The following CREBBP variants were observed in gnomAD, a reference collection of about 807,000 sequenced individuals.
The protein encoded by CREBBP is CREB binding lysine acetyltransferase, also known as CREB-binding protein.
CREBBP carries 19 observed loss-of-function variants against 265.0 expected under a neutral mutation model. The ratio of observed to expected loss-of-function variants is 0.07; its 90% CI spans 0.05 to 0.11. The LOEUF is 0.11. Among genes scored for constraint, CREBBP ranks in the 10% least tolerant of loss-of-function variants. CREBBP has a pLI of 1.00. For missense variants in CREBBP, 2,525 were observed against 3,219.0 expected (o/e 0.78, Z 5.22); for synonymous variants, 1,457 against 1,223.7 (o/e 1.19, Z -3.98).
At chr16:3,873,488 A>AG (rs1291964788) in intron 1 of CREBBP, among the ~76,000 whole-genome samples, 1 of 152,174 alleles carries the variant, frequency 6.6e-6, no homozygotes, top group African/African-American at 2.4e-5. Flanking sequence ...TGTCCTTTCC[A>AG]GAACTGCTGA....
At chr16:3,867,626 AG>A (rs1444519221) in intron 1 of CREBBP, among the ~76,000 whole-genome samples, 1 of 152,144 alleles carries the variant, frequency 6.6e-6, no homozygotes, top group African/African-American at 2.4e-5. Context: ...ATTAATTAAA[AG>A]AAAGCCTGGG....
In CREBBP at chr16:3,849,413, GT is replaced by G. The variant is rs1197707755; in HGVS notation, c.798+883del. Among the ~76,000 whole-genome samples the G allele has an allele frequency of 1.4e-3, 8 of 5,844 alleles. No individual in the cohort carries two copies. The Non-Finnish European group carries it at 0.016, about 11-fold the overall frequency. The allele number at this position is 5,844 out of a possible 152,430, so 3.8% of individuals were successfully genotyped here. On this transcript the variant is annotated intron_variant, in intron 2 of 30. Coordinates refer to ENST00000262367, the MANE Select transcript of CREBBP (RefSeq NM_004380.3). ...TGTGTGTGTGTGTGTGTGTGTGTGT[GT>G]GTGTGTGTGTGTGTGTGTGTGTGTG...
At chr16:3,751,991 G>C (rs967471142) in intron 19 of CREBBP, among the ~76,000 whole-genome samples, 185 bp from the exon 20 acceptor site, 6 of 152,138 alleles carry the variant, frequency 3.9e-5, no homozygotes, top group Non-Finnish European at 8.8e-5. Flanking sequence ...CAGGATTAGA[G>C]AACAGGGAAG....
Position 3,803,269 on chromosome 16 carries a change from GGGGGGGGGGGGT to G in CREBBP, c.975+7322_975+7333del. Among the ~76,000 whole-genome samples the G allele has an allele frequency of 8.4e-5, 3 of 35,924 alleles. 1 individual carries two copies. The highest frequency in any genetic ancestry group is 2.3e-4 in the African/African-American group (3 of 12,848). 23.6% of individuals were successfully genotyped at this position (35,924 alleles called of 152,430 possible). A position where few individuals can be genotyped will look rare whatever the true frequency, so the allele number is the denominator to read the frequency against. On this transcript the variant is annotated intron_variant, in intron 3 of 30. Transcript: ENST00000262367. ...TTTGGGAGGCTGACGGCGGGGAGGG[GGGGGGGGGGGGT>G]GGATCACGAGGTCAGGAGTTCAAGA...
chr16:3,842,017 C>G (rs2054574974), intron 2 of CREBBP, among the ~76,000 whole-genome samples: 1 of 152,142 alleles, frequency 6.6e-6, no homozygotes, highest in Non-Finnish European at 1.5e-5. Context: ...TAATTTAAAA[C>G]TTTTACTCCA....
At chr16:3,794,359 A>T (rs796092830) in intron 3 of CREBBP, among the ~76,000 whole-genome samples, 2 of 148,588 alleles carry the variant, frequency 1.3e-5, no homozygotes, top group African/African-American at 5.1e-5. Context: ...AAAAAAAAAA[A>T]AAAAAAGATT....
At chr16:3,878,697 T>C (rs1301192604) in intron 1 of CREBBP, among the ~76,000 whole-genome samples, 1 of 152,204 alleles carries the variant, frequency 6.6e-6, no homozygotes, top group Non-Finnish European at 1.5e-5. Context: ...TTTGGACTCA[T>C]TCATTAGAAA....
In CREBBP at chr16:3,879,956, C is replaced by A; in HGVS notation, c.-40G>T. 1.3e-6 allele frequency: 2 copies of A among 1,585,758 alleles called. No individual in the cohort carries two copies. The highest frequency in any genetic ancestry group is 1.7e-6 in the Non-Finnish European group (2 of 1,164,874). Reference sequence around the variant, plus strand: ...GAAAACAGCCCCGGGCACGGGCGGCCGGGCCGGCGAGGGCCCGGACGGGGG... The same window carrying A: ...GAAAACAGCCCCGGGCACGGGCGGCAGGGCCGGCGAGGGCCCGGACGGGGG... On this transcript the variant is annotated 5_prime_UTR_variant, in exon 1 of 31. Transcript: ENST00000262367.
At chr16:3,878,689 T>G (rs918871378) in intron 1 of CREBBP, among the ~76,000 whole-genome samples, 2 of 152,218 alleles carry the variant, frequency 1.3e-5, no homozygotes, top group Non-Finnish European at 2.9e-5. Context: ...TAATTCAATT[T>G]GGACTCATTC....
At chr16:3,747,838 C>G (rs1211837846) in intron 21 of CREBBP, among the ~76,000 whole-genome samples, 1 of 152,102 alleles carries the variant, frequency 6.6e-6, no homozygotes, top group East Asian at 1.9e-4. Context: ...ACCTGTAATC[C>G]CAGCACCTTG....
At chr16:3,877,736 C>T (rs1002273770) in intron 1 of CREBBP, among the ~76,000 whole-genome samples, 5 of 152,222 alleles carry the variant, frequency 3.3e-5, no homozygotes, top group African/African-American at 1.2e-4. Flanking sequence ...ATAATGAGCC[C>T]TTCCTTGGTC....
At chr16:3,785,394 G>A (rs756111111) in intron 5 of CREBBP, among the ~76,000 whole-genome samples, 3 of 152,210 alleles carry the variant, frequency 2.0e-5, no homozygotes, top group Non-Finnish European at 4.4e-5. Context: ...AGGGACAACA[G>A]ATTATCTAAT....
intron 2 of CREBBP, among the ~76,000 whole-genome samples, chr16:3,821,405 G>A (rs575165661): frequency 6.6e-6 from 1 of 152,256 alleles, no homozygotes; most frequent in Non-Finnish European, 1.5e-5. Flanking sequence ...CCAGGAGACT[G>A]GGGAGTTCGT....
chr16:3,879,459 A>AC (rs2055475680), intron 1 of CREBBP, among the ~76,000 whole-genome samples: 1 of 152,124 alleles, frequency 6.6e-6, no homozygotes, highest in Admixed American at 6.5e-5. Flanking sequence ...CATCAAAGGT[A>AC]CCCTCCGCTG....
chr16:3,829,160 T>C (rs2054295259), intron 2 of CREBBP, among the ~76,000 whole-genome samples: 1 of 152,184 alleles, frequency 6.6e-6, no homozygotes, highest in African/African-American at 2.4e-5. Flanking sequence ...TGTATAAATA[T>C]AACTCTTTTT....
chr16:3,849,446 T>TGTGTGTGTG lies in CREBBP; in HGVS notation c.798+842_798+850dup, dbSNP rs2054767992. On this transcript the variant is annotated intron_variant, in intron 2 of 30. Coordinates refer to ENST00000262367, the MANE Select transcript of CREBBP (RefSeq NM_004380.3). The stretch of plus-strand genomic sequence containing the variant: ...GTGTGTGTGTGTGTGTGTGTGTGTG[T>TGTGTGTGTG]GTGTGTGTGTGTGTGTGTGTGTGTG... Among the ~76,000 whole-genome samples, 40 of 33,684 alleles carry TGTGTGTGTG rather than the reference T, an allele frequency of 1.2e-3. 3 individuals carry two copies. The highest frequency in any genetic ancestry group is 2.9e-3 in the Non-Finnish European group (29 of 10,154). The allele number at this position is 33,684 out of a possible 152,430, so 22.1% of individuals were successfully genotyped here.
intron 2 of CREBBP, among the ~76,000 whole-genome samples, chr16:3,849,489 G>GTGTGTGTGTGTGTGTGT (rs2054779237): frequency 1.7e-5 from 2 of 115,078 alleles, no homozygotes; most frequent in African/African-American, 3.3e-5. Flanking sequence ...GTGTGTGTGT[G>GTGTGTGTGTGTGTGTGT]ATGTGCGTGA....
In CREBBP at chr16:3,782,801, C is replaced by T. The variant is rs1349475792; in HGVS notation, c.1456G>A (p.Ala486Thr). 6.2e-7 allele frequency: 1 copy of T among 1,614,140 alleles called. No homozygotes were observed. The highest frequency in any genetic ancestry group is 2.2e-5 in the East Asian group (1 of 44,890). The change falls in exon 6 of 31, where the codon GCT (alanine) becomes ACT (threonine). Residue 486 changes from alanine (A) to threonine (T), a missense_variant. Physicochemically the swap from Ala to Thr is moderately conservative, Grantham distance 58. This residue lies in a region of CREBBP where 48 missense variants were observed against 70.2 expected (regional missense o/e 0.68). Transcript: ENST00000262367. ...IDPSSMQRAY[A>T]ALGLPYMNQP... is the part of the protein sequence containing the mutation. ...TTCATGTAGGGGAGTCCGAGAGCAG[C>T]ATAGGCTCGCTGCATGGAGCTGGGG...
intron 1 of CREBBP, among the ~76,000 whole-genome samples, chr16:3,858,017 C>T (rs560948411): frequency 2.0e-5 from 3 of 152,314 alleles, no homozygotes; most frequent in South Asian, 2.1e-4. Flanking sequence ...AAGCAAGGTA[C>T]AGAGGACATT....
Sources: gnomAD v4.1 joint callset for allele counts (sites outside exome capture counted in the v4.1 genomes callset) on GRCh38, gnomAD v4.1.1 for gene constraint, gnomAD v4.1.1 regional missense constraint, MANE v1.5 for transcripts, NCBI Gene and HGNC (gene_info 2026-07-23, HGNC 2026-07-21) for gene names.